Variants in ADGRB2 observed in about 807,000 individuals in gnomAD.
ADGRB2 encodes adhesion G protein-coupled receptor B2, also known as brain-specific angiogenesis inhibitor 2.
A neutral mutation model predicts 178.7 loss-of-function variants in ADGRB2; 47 were observed. The observed-to-expected ratio is 0.26, with a 90% CI of 0.21 to 0.34. ADGRB2 has a LOEUF of 0.34. Among genes scored for constraint, ADGRB2 ranks in the 10% least tolerant of loss-of-function variants. ADGRB2 has a pLI of 1.00. For synonymous variants in ADGRB2, 870 were observed against 912.4 expected, an observed-to-expected ratio of 0.95 and a Z score of 0.84; for missense variants, 1,584 against 2,180.8, an observed-to-expected ratio of 0.73 and a Z score of 5.45.
rs1490497189 is a variant in ADGRB2 at position 31,742,887 on chromosome 1, G to A, written c.1203C>T (p.Cys401=). ...GCTTAGTCTGCAGCTCAGGACCCTC[G>A]CAGGCCTTGCCGCCGTGCTGGGGGG... The part of the protein sequence containing the change: ...CVPPQHGGKA[C]EGPELQTKLC... The change falls in exon 7 of 33, where the codon TGC becomes TGT. Residue 401 remains cysteine (C), a synonymous_variant. Transcript: ENST00000373658. 11 of 1,539,906 alleles carry A rather than the reference G, an allele frequency of 7.1e-6. No homozygotes were observed. The East Asian group carries it at 7.5e-5, about 10-fold the overall frequency.
At chr1:31,731,478 C>T in intron 28 of ADGRB2, 59 bp from the exon 29 acceptor site, 1 of 1,517,632 alleles carries the variant, frequency 6.6e-7, no homozygotes, top group Non-Finnish European at 8.8e-7. Context: ...CTCCAGATGC[C>T]ATTGCCCAGG....
In ADGRB2 at chr1:31,735,573, C is replaced by G. The variant is rs555336600; in HGVS notation, c.3353+7G>C. 14 of 1,613,756 alleles carry G rather than the reference C, an allele frequency of 8.7e-6. No homozygotes were observed. The South Asian group carries it at 1.2e-4, about 14-fold the overall frequency. ...GAAAGGCCAAGTCTCAGAGGCCCCCCCCTTACCCGGCCCTCTGCTTCTTGG... is the reference window on the plus strand; with the variant it reads ...GAAAGGCCAAGTCTCAGAGGCCCCCGCCTTACCCGGCCCTCTGCTTCTTGG... On this transcript the variant is annotated splice_region_variant and intron_variant, in intron 24 of 32. Coordinates refer to ENST00000373658, the MANE Select transcript of ADGRB2 (RefSeq NM_001364857.2). The surrounding 1 kb of genome is among the most constrained non-coding windows in gnomAD (Gnocchi z 6.0).
intron 4 of ADGRB2, among the ~76,000 whole-genome samples, chr1:31,748,983 C>T (rs1019627440): frequency 6.6e-6 from 1 of 152,186 alleles, no homozygotes; most frequent in Non-Finnish European, 1.5e-5. Flanking sequence ...ACTCCAGAGG[C>T]CGTGCTCTTT....
chr1:31,727,914 T>TG lies in ADGRB2; in HGVS notation c.4572+110dup. ...CGGCCCCAGACTGTTGCCCATGCCGTGGGGGAGGCCCTTGGTGAGACAGGC... is the reference window on the plus strand; with the variant it reads ...CGGCCCCAGACTGTTGCCCATGCCGTGGGGGGAGGCCCTTGGTGAGACAGGC... On this transcript the variant is annotated intron_variant, in intron 32 of 32. Transcript: ENST00000373658. The surrounding 1 kb of genome is among the most constrained non-coding windows in gnomAD (Gnocchi z 4.4). 1.5e-6 allele frequency: 2 copies of TG among 1,367,922 alleles called. No individual in the cohort carries two copies. The highest frequency in any genetic ancestry group is 2.9e-5 in the African/African-American group (2 of 68,814). 84.7% of individuals were successfully genotyped at this position (1,367,922 alleles called of 1,614,324 possible). A position where few individuals can be genotyped will look rare whatever the true frequency, so the allele number is the denominator to read the frequency against.
rs919811085 is a variant in ADGRB2, at chr1:31,754,012, G to A, written c.838+1987C>T. Among the ~76,000 whole-genome samples, 1 of 152,210 alleles carries A rather than the reference G, an allele frequency of 6.6e-6. No homozygotes were observed. Among genetic ancestry groups the A allele is most frequent in the Non-Finnish European group, 1.5e-5 (1 of 68,030 alleles). Reference sequence around the variant, plus strand: ...ACATGCCAAGTAGGACAAGGGGCAAGAGCAGAGGTCAGGCTTGGGAACAGC... The same window carrying A: ...ACATGCCAAGTAGGACAAGGGGCAAAAGCAGAGGTCAGGCTTGGGAACAGC... On this transcript the variant is annotated intron_variant, in intron 4 of 32. Transcript: ENST00000373658. The surrounding 1 kb of genome is among the most constrained non-coding windows in gnomAD (Gnocchi z 5.7).
intron 4 of ADGRB2, among the ~76,000 whole-genome samples, chr1:31,752,701 C>T (rs963318905): frequency 4.0e-5 from 6 of 151,750 alleles, no homozygotes; most frequent in Admixed American, 6.6e-5. Flanking sequence ...AGCTAGGTCC[C>T]GGGTGGGGCT....
In ADGRB2 at chr1:31,744,872, C is replaced by T; in HGVS notation, c.839-141G>A. The stretch of plus-strand genomic sequence containing the variant: ...GATGCTCTCTCAGGATCACATTCTG[C>T]CCTCTGCCCCACCACCACTATTTCA... On this transcript the variant is annotated intron_variant, in intron 4 of 32. Transcript: ENST00000373658. This position sits in a 1 kb window ranked among gnomAD's most constrained non-coding sequence, Gnocchi z 6.7. 1.3e-6 allele frequency: 1 copy of T among 782,540 alleles called. No homozygotes were observed. The highest frequency in any genetic ancestry group is 2.2e-6 in the Non-Finnish European group (1 of 458,908). 48.5% of individuals were successfully genotyped at this position (782,540 alleles called of 1,614,324 possible).
intron 22 of ADGRB2, 77 bp downstream of exon 22, chr1:31,736,244 G>A: frequency 1.3e-6 from 2 of 1,534,934 alleles, no homozygotes; most frequent in Non-Finnish European, 1.8e-6. Flanking sequence ...CATGGGCTAG[G>A]ATTTCAGCCA....
At chr1:31,738,699 A>G (rs2148937493) in intron 16 of ADGRB2, 69 bp from the exon 17 acceptor site, 1 of 1,600,306 alleles carries the variant, frequency 6.2e-7, no homozygotes, top group Non-Finnish European at 8.6e-7. Context: ...TGCCCATGCC[A>G]TGGGGGCCAC....
At position 31,728,620 on chromosome 1, in the gene ADGRB2, C is replaced by T. The variant is rs377690132; in HGVS notation, c.4394G>A (p.Arg1465Gln). The change falls in exon 30 of 33, where the codon CGG (arginine) becomes CAG (glutamine). Residue 1465 changes from arginine (R) to glutamine (Q), a missense_variant. This residue lies in a region of ADGRB2 where 865 missense variants were observed against 1,192.8 expected (regional missense o/e 0.73). Coordinates refer to ENST00000373658, the MANE Select transcript of ADGRB2 (RefSeq NM_001364857.2). This position sits in a 1 kb window ranked among gnomAD's most constrained non-coding sequence, Gnocchi z 6.7. ...TACCTCAAAGTCCAGGTCTGAATAC[C>T]GTAATTTCTTTCGCTGGGAAGGAGC... is the stretch of plus-strand genomic sequence containing the variant. ...KMGSLERKKL[R>Q]YSDLDFEKVM... 16 of 1,613,872 alleles carry T rather than the reference C, an allele frequency of 9.9e-6. No individual in the cohort carries two copies. In the East Asian group the frequency reaches 1.8e-4, roughly 18 times the overall value.
chr1:31,731,972 C>T, intron 28 of ADGRB2, 143 bp downstream of exon 28: 1 of 1,067,520 alleles, frequency 9.4e-7, no homozygotes, highest in Non-Finnish European at 1.4e-6. Context: ...CATTCGCAGC[C>T]TTGCGTCCAG....
At chr1:31,743,124 C>T in intron 6 of ADGRB2, 122 bp from the exon 7 acceptor site, 1 of 1,172,166 alleles carries the variant, frequency 8.5e-7, no homozygotes, top group Non-Finnish European at 1.1e-6. Context: ...ATTGGCTCTG[C>T]CCCGGGATCT....
rs1394485030 is a variant in ADGRB2, at chr1:31,753,103, G to A, written c.838+2896C>T. Among the ~76,000 whole-genome samples the A allele has an allele frequency of 1.3e-5, 2 of 152,306 alleles. No individual in the cohort carries two copies. The highest frequency in any genetic ancestry group is 2.9e-5 in the Non-Finnish European group (2 of 68,026). On this transcript the variant is annotated intron_variant, in intron 4 of 32. Transcript: ENST00000373658. The surrounding 1 kb of genome is among the most constrained non-coding windows in gnomAD (Gnocchi z 4.1). ...CTCCTCAGGATTAGAGGGTCAGTGG[G>A]CAGGAACTGCAGGCTGGCACTGGCC...
intron 15 of ADGRB2, 141 bp downstream of exon 15, chr1:31,739,167 T>C: frequency 4.9e-6 from 5 of 1,020,058 alleles, no homozygotes; most frequent in Non-Finnish European, 7.0e-6. Context: ...GAAGCATGTG[T>C]CCAGAGCCAG....
rs1646153909 is a variant in ADGRB2, at chr1:31,744,279, C to T, written c.1001G>A (p.Arg334His). The change falls in exon 6 of 33, where the codon CGC (arginine) becomes CAC (histidine). Residue 334 changes from arginine to histidine, a missense_variant. Arg to His is a conservative substitution (Grantham distance 29). Around this residue, in one of 3 missense-constraint regions of ADGRB2, gnomAD observed 657 missense variants for 847.6 expected, o/e 0.78. Transcript: ENST00000373658. This position sits in a 1 kb window ranked among gnomAD's most constrained non-coding sequence, Gnocchi z 6.7. ...CCCATAGGGGGAGGACACACAGGAG[C>T]GGGTCCGCACCTGCAGACCCTGCCC... ...TCGQGLQVRT[R>H]SCVSSPYGTL... 8 of 1,551,156 alleles carry T rather than the reference C, an allele frequency of 5.2e-6. No individual in the cohort carries two copies. Among genetic ancestry groups the T allele is most frequent in the Non-Finnish European group, 7.0e-6 (8 of 1,146,860 alleles).
intron 27 of ADGRB2, 69 bp from the exon 28 acceptor site, chr1:31,732,223 G>A (rs750051274): frequency 7.2e-5 from 114 of 1,593,356 alleles, no homozygotes; most frequent in Non-Finnish European, 9.4e-5. Context: ...AGGAGGCTCA[G>A]GCCCTCCCCA....
In ADGRB2 at chr1:31,741,260, G is replaced by T; in HGVS notation, c.1794+113C>A. The T allele has an allele frequency of 1.9e-6, 2 of 1,072,674 alleles. No homozygotes were observed. Among genetic ancestry groups the T allele is most frequent in the Non-Finnish European group, 2.7e-6 (2 of 734,342 alleles). The allele number at this position is 1,072,674 out of a possible 1,614,324, so 66.4% of individuals were successfully genotyped here. A position where few individuals can be genotyped will look rare whatever the true frequency, so the allele number is the denominator to read the frequency against. Reference sequence around the variant, plus strand: ...AGGAGAGGCACAGCCAGGCAGAAGTGGGCACAGCATATGCCAAGGCACGTG... The same window carrying T: ...AGGAGAGGCACAGCCAGGCAGAAGTTGGCACAGCATATGCCAAGGCACGTG... On this transcript the variant is annotated intron_variant, in intron 11 of 32. Transcript: ENST00000373658. This position sits in a 1 kb window ranked among gnomAD's most constrained non-coding sequence, Gnocchi z 6.5.
At chr1:31,757,541 G>A (rs1646900115) in intron 1 of ADGRB2, 30 bp from the exon 2 acceptor site, 1 of 353,734 alleles carries the variant, frequency 2.8e-6, no homozygotes, top group African/African-American at 2.1e-5. Flanking sequence ...GAGGCACCGA[G>A]TAAGGGGACA....
chr1:31,731,792 A>G (rs1013712200), intron 28 of ADGRB2, among the ~76,000 whole-genome samples: 1 of 152,130 alleles, frequency 6.6e-6, no homozygotes, highest in Non-Finnish European at 1.5e-5. Context: ...AAATGATATA[A>G]TAACGTAACA....
Sources: allele counts gnomAD v4.1 joint callset (sites outside exome capture counted in the v4.1 genomes callset), GRCh38; gene constraint gnomAD v4.1.1; regional missense constraint gnomAD v4.1.1; non-coding constraint Gnocchi (gnomAD v3.1); transcripts MANE v1.5; gene names NCBI Gene and HGNC (gene_info 2026-07-23, HGNC 2026-07-21).